MATN2: variants seen among roughly 807,000 people sequenced by gnomAD.
The protein encoded by MATN2 is matrilin-2.
Under a neutral mutation model 103.2 loss-of-function variants are expected in MATN2, and 69 were observed. That is an observed-to-expected ratio of 0.67 (90% CI 0.55 to 0.82). MATN2 has a LOEUF of 0.82. Among genes scored for constraint, MATN2 ranks in the 40% least tolerant of loss-of-function variants. The probability of loss-of-function intolerance (pLI) is 0.00; values close to 1 mark genes in which losing one functional copy is unlikely to be tolerated. For missense variants in MATN2, 1,023 were observed against 1,211.5 expected, an observed-to-expected ratio of 0.84 and a Z score of 2.31; for synonymous variants, 429 against 450.2, an observed-to-expected ratio of 0.95 and a Z score of 0.60.
At chr8:97,902,156 C>T (rs887220577) in intron 2 of MATN2, among the ~76,000 whole-genome samples, 112 of 150,330 alleles carry the variant, frequency 7.5e-4, no homozygotes, top group African/African-American at 2.6e-3. Context: ...AGCCACTGTG[C>T]CTGGCCAGGG....
Position 97,894,079 on chromosome 8 carries a change from A to AT in MATN2, c.142+5837_142+5838insT, listed in dbSNP as rs544266716. ...AGAAGTTATGTTTGTGTTTTAAGAG[A>AT]GCATTTTGTGGCAATATGGCATCAA... is the stretch of plus-strand genomic sequence containing the variant. On this transcript the variant is annotated intron_variant, in intron 2 of 18. Transcript: ENST00000254898. Among the ~76,000 whole-genome samples, 23 of 152,278 alleles carry AT rather than the reference A, an allele frequency of 1.5e-4. No individual in the cohort carries two copies. In the East Asian group the frequency reaches 4.4e-3, roughly 29 times the overall value.
chr8:97,965,598 C>A (rs1177504036), intron 5 of MATN2, among the ~76,000 whole-genome samples: 1 of 152,102 alleles, frequency 6.6e-6, no homozygotes, highest in Non-Finnish European at 1.5e-5. Context: ...CTTTGGGAGG[C>A]CAAAGTAGGA....
intron 2 of MATN2, among the ~76,000 whole-genome samples, chr8:97,912,437 G>A (rs918028978): frequency 7.2e-5 from 11 of 152,078 alleles, no homozygotes; most frequent in African/African-American, 2.7e-4. Flanking sequence ...CGCTGAGAGC[G>A]CTGAGGAAAC....
At chr8:97,886,607 G>A (rs1015843872) in intron 1 of MATN2, among the ~76,000 whole-genome samples, 1 of 152,192 alleles carries the variant, frequency 6.6e-6, no homozygotes, top group African/African-American at 2.4e-5. Context: ...TAAAAAGAGT[G>A]AGCTAGTTCA....
intron 2 of MATN2, among the ~76,000 whole-genome samples, chr8:97,908,440 T>A (rs1819254505): frequency 6.6e-6 from 1 of 152,148 alleles, no homozygotes; most frequent in Admixed American, 6.6e-5. Flanking sequence ...TGAGAGCCCA[T>A]CTCAAAGAAA....
At chr8:97,994,107 A>AAAGG (rs149580915) in intron 6 of MATN2, among the ~76,000 whole-genome samples, 19 of 147,754 alleles carry the variant, frequency 1.3e-4, no homozygotes, top group South Asian at 2.2e-4. Flanking sequence ...GGAAGAAAGG[A>AAAGG]AAGGAAGGAA....
chr8:97,985,452 G>A (rs1292418297), intron 6 of MATN2, among the ~76,000 whole-genome samples: 1 of 152,048 alleles, frequency 6.6e-6, no homozygotes, highest in African/African-American at 2.4e-5. Context: ...CACACCTGAA[G>A]CTATATATAT....
At chr8:97,914,243 A>G (rs911466185) in intron 2 of MATN2, among the ~76,000 whole-genome samples, 2 of 152,130 alleles carry the variant, frequency 1.3e-5, no homozygotes, top group African/African-American at 4.8e-5. Context: ...GGGCTGGGCC[A>G]TAGATGGAGA....
At chr8:98,032,962 A>G in intron 16 of MATN2, 80 bp from the exon 17 acceptor site, 1 of 1,393,416 alleles carries the variant, frequency 7.2e-7, no homozygotes, top group South Asian at 1.6e-5. Flanking sequence ...TAGGAATACC[A>G]AGTACCTTAC....
intron 2 of MATN2, among the ~76,000 whole-genome samples, chr8:97,911,138 G>A (rs939769056): frequency 5.3e-5 from 8 of 151,686 alleles, no homozygotes; most frequent in African/African-American, 1.9e-4. Flanking sequence ...ACAGGCATGC[G>A]CCACCAGGCC....
chr8:97,885,233 A>G (rs7816792), intron 1 of MATN2, among the ~76,000 whole-genome samples: 126,275 of 152,170 alleles, frequency 0.83, 53,307 homozygotes, highest in Non-Finnish European at 0.92. Context: ...AAATAAGCCT[A>G]GACTTTTTAT....
At chr8:97,945,942 A>G (rs1810740156) in intron 4 of MATN2, among the ~76,000 whole-genome samples, 1 of 152,130 alleles carries the variant, frequency 6.6e-6, no homozygotes, top group Admixed American at 6.6e-5. Context: ...CCTGAATCCC[A>G]TATTCAGACA....
intron 10 of MATN2, among the ~76,000 whole-genome samples, chr8:98,015,780 ATGTAAGCT>A (rs2130413762): frequency 6.6e-6 from 1 of 152,330 alleles, no homozygotes; most frequent in South Asian, 2.1e-4. Flanking sequence ...CTGCTGCCAA[ATGTAAGCT>A]TCACAAAAGC....
At chr8:97,939,834 T>A (rs1195581501) in intron 3 of MATN2, among the ~76,000 whole-genome samples, 1 of 152,228 alleles carries the variant, frequency 6.6e-6, no homozygotes. Flanking sequence ...TCTTCACAGT[T>A]TGATATCTCT....
chr8:97,938,890 G>T (rs1463796541), intron 3 of MATN2, among the ~76,000 whole-genome samples: 1 of 151,956 alleles, frequency 6.6e-6, no homozygotes, highest in Non-Finnish European at 1.5e-5. Context: ...TTGTTTGTTT[G>T]TTTATTTTTT....
chr8:97,874,784 C>T (rs897496123), intron 1 of MATN2, among the ~76,000 whole-genome samples: 1 of 150,890 alleles, frequency 6.6e-6, no homozygotes, highest in African/African-American at 2.4e-5. Flanking sequence ...GTGGTGTGAT[C>T]TCAGCTTACT....
chr8:97,884,299 C>A (rs1818353518), intron 1 of MATN2, among the ~76,000 whole-genome samples: 1 of 151,774 alleles, frequency 6.6e-6, no homozygotes, highest in African/African-American at 2.4e-5. Context: ...CACCACCATG[C>A]CCAGCTAATT....
rs114827098 is a variant in MATN2 at position 98,032,462 on chromosome 8, T to G, written c.2581+145T>G. Reference sequence around the variant, plus strand: ...TTTTCCCTCAAAAAGATAGTTAACATTTACTCTTACATTAAGCCATATTTG... The same window carrying G: ...TTTTCCCTCAAAAAGATAGTTAACAGTTACTCTTACATTAAGCCATATTTG... On this transcript the variant is annotated intron_variant, in intron 16 of 18. Transcript: ENST00000254898. The G allele has an allele frequency of 7.9e-4, 513 of 650,340 alleles. 5 individuals are homozygous for G. The African/African-American group carries it at 8.4e-3, about 11-fold the overall frequency. 40.3% of individuals were successfully genotyped at this position (650,340 alleles called of 1,614,324 possible). A position where few individuals can be genotyped will look rare whatever the true frequency, so the allele number is the denominator to read the frequency against.
In MATN2 at chr8:97,931,001, G is replaced by T. The variant is rs1178844115; in HGVS notation, c.191G>T (p.Ser64Ile). Residue 64 changes from serine to isoleucine, a missense_variant, in exon 3 of 19, where the codon AGC (serine) becomes ATC (isoleucine). By Grantham distance (142) the Ser-to-Ile change is moderately radical. Coordinates refer to ENST00000254898, the MANE Select transcript of MATN2 (RefSeq NM_002380.5). This position sits in a 1 kb window ranked among gnomAD's most constrained non-coding sequence, Gnocchi z 4.1. Reference sequence around the variant, plus strand: ...GCAGACCTGGTTTTCATCATTGACAGCTCTCGCAGTGTCAACACCCATGAC... The same window carrying T: ...GCAGACCTGGTTTTCATCATTGACATCTCTCGCAGTGTCAACACCCATGAC... The part of the protein sequence containing the change: ...KRADLVFIID[S>I]SRSVNTHDYA... 9 of 1,613,704 alleles carry T rather than the reference G, an allele frequency of 5.6e-6. No individual in the cohort carries two copies. Among genetic ancestry groups the T allele is most frequent in the Non-Finnish European group, 7.6e-6 (9 of 1,179,728 alleles).
Sources: gnomAD v4.1 joint callset for allele counts (sites outside exome capture counted in the v4.1 genomes callset) on GRCh38, gnomAD v4.1.1 for gene constraint, Gnocchi (gnomAD v3.1) non-coding constraint, MANE v1.5 for transcripts, NCBI Gene and HGNC (gene_info 2026-07-23, HGNC 2026-07-21) for gene names.